Variants in ZDHHC2 observed in about 807,000 individuals in gnomAD.
ZDHHC2 encodes the protein palmitoyltransferase ZDHHC2.
Under a neutral mutation model 55.6 loss-of-function variants are expected in ZDHHC2, and 51 were observed. The ratio of observed to expected loss-of-function variants is 0.92; its 90% CI spans 0.73 to 1.16. The LOEUF (loss-of-function observed/expected upper bound fraction) is 1.16, where lower values mean the gene tolerates loss of function less well. Ranked by LOEUF, ZDHHC2 falls within the 50% of genes most tolerant of loss-of-function variation. ZDHHC2 has a pLI of 0.00. For missense variants in ZDHHC2, 491 were observed against 442.4 expected (o/e 1.11, Z -0.99); for synonymous variants, 199 against 152.9 (o/e 1.30, Z -2.22).
At chr8:17,214,345 T>C (rs1370459832) in intron 10 of ZDHHC2, among the ~76,000 whole-genome samples, 4 of 152,180 alleles carry the variant, frequency 2.6e-5, no homozygotes, top group Admixed American at 1.3e-4. Context: ...TCCTGCAAAA[T>C]AGTTTGCTCA....
At chr8:17,180,785 C>T (rs1402022697) in intron 1 of ZDHHC2, among the ~76,000 whole-genome samples, 2 of 152,154 alleles carry the variant, frequency 1.3e-5, no homozygotes, top group Non-Finnish European at 2.9e-5. Flanking sequence ...AGCCATTGCT[C>T]TTTGGTGCTA....
chr8:17,219,442 C>A (rs146501556), intron 12 of ZDHHC2, among the ~76,000 whole-genome samples: 2 of 151,706 alleles, frequency 1.3e-5, no homozygotes, highest in Admixed American at 6.6e-5. Flanking sequence ...GCTTACCAAC[C>A]TTTCCTATCA....
intron 1 of ZDHHC2, among the ~76,000 whole-genome samples, chr8:17,179,541 C>G (rs1028376254): frequency 2.0e-5 from 3 of 152,060 alleles, no homozygotes; most frequent in Non-Finnish European, 2.9e-5. Flanking sequence ...TCCCAAGTAG[C>G]TGGGACCACA....
rs1201617548 is a variant in ZDHHC2, at chr8:17,205,642, G to A, written c.477-13G>A. 2 of 1,584,826 alleles carry A rather than the reference G, an allele frequency of 1.3e-6. No individual in the cohort carries two copies. Among genetic ancestry groups the A allele is most frequent in the East Asian group, 2.3e-5 (1 of 43,974 alleles). ...TGTAAAACTCACTGGAAATGTTTTT[G>A]TTTTGTTAACAGGGTGAACAATTGT... is the stretch of plus-strand genomic sequence containing the variant. On this transcript the variant is annotated splice_polypyrimidine_tract_variant and intron_variant, in intron 6 of 12. Transcript: ENST00000262096.
intron 3 of ZDHHC2, among the ~76,000 whole-genome samples, chr8:17,189,619 A>T (rs1453000133): frequency 6.6e-6 from 1 of 152,202 alleles, no homozygotes; most frequent in East Asian, 1.9e-4. Flanking sequence ...AAAATTATAT[A>T]TGACATCATT....
intron 12 of ZDHHC2, among the ~76,000 whole-genome samples, chr8:17,219,252 T>TAAAAAAAAAAAA (rs71212684): frequency 3.8e-4 from 19 of 49,558 alleles, no homozygotes; most frequent in South Asian, 1.3e-3. Context: ...AGCAAGACTC[T>TAAAAAAAAAAAA]AAAAAAAAAA....
At chr8:17,194,431 G>A (rs1013985127) in intron 3 of ZDHHC2, among the ~76,000 whole-genome samples, 5 of 150,714 alleles carry the variant, frequency 3.3e-5, no homozygotes, top group African/African-American at 7.3e-5. Flanking sequence ...AGCAGCCACC[G>A]AGCCAGTATG....
chr8:17,195,607 C>G lies in ZDHHC2; in HGVS notation c.356C>G (p.Thr119Ser), dbSNP rs768381959. 6.2e-7 allele frequency: 1 copy of G among 1,613,848 alleles called. No individual in the cohort carries two copies. Among genetic ancestry groups the G allele is most frequent in the Admixed American group, 1.7e-5 (1 of 60,006 alleles). Residue 119 changes from threonine (T) to serine (S), a missense_variant, in exon 4 of 13, where the codon ACC (threonine) becomes AGC (serine). By Grantham distance (58) the Thr-to-Ser change is moderately conservative. Coordinates refer to ENST00000262096, the MANE Select transcript of ZDHHC2 (RefSeq NM_016353.5). ...GCAGCCAAGGATCTTCCCATCTATA[C>G]CAGGACCATGTCTGGAGGTAAATGT... is the stretch of plus-strand genomic sequence containing the variant. ...RRAAKDLPIYTRTMSGAIRYC... is the reference protein window; with the variant it reads ...RRAAKDLPIYSRTMSGAIRYC...
At chr8:17,181,756 G>T (rs1805443970) in intron 1 of ZDHHC2, among the ~76,000 whole-genome samples, 1 of 152,078 alleles carries the variant, frequency 6.6e-6, no homozygotes, top group East Asian at 1.9e-4. Flanking sequence ...TTTTTGTATT[G>T]TTATAAATAA....
At chr8:17,161,625 A>C (rs1315079306) in intron 1 of ZDHHC2, among the ~76,000 whole-genome samples, 1 of 152,190 alleles carries the variant, frequency 6.6e-6, no homozygotes, top group African/African-American at 2.4e-5. Context: ...TGGGAGGCCA[A>C]GGTGGGAGGA....
Position 17,203,518 on chromosome 8 carries a change from G to A in ZDHHC2, c.477-2137G>A, listed in dbSNP as rs564238739. On this transcript the variant is annotated intron_variant, in intron 6 of 12. Coordinates refer to ENST00000262096, the MANE Select transcript of ZDHHC2 (RefSeq NM_016353.5). ...TAAAGTGCTGGGATTACAGGCGTCAGCCACCACGCCCACCCATATTGTCCA... is the reference window on the plus strand; with the variant it reads ...TAAAGTGCTGGGATTACAGGCGTCAACCACCACGCCCACCCATATTGTCCA... 2.0e-5 allele frequency among the ~76,000 whole-genome samples: 3 copies of A among 152,090 alleles called. No individual in the cohort carries two copies. The South Asian group carries it at 6.2e-4, about 32-fold the overall frequency.
At chr8:17,189,747 C>T (rs993043783) in intron 3 of ZDHHC2, among the ~76,000 whole-genome samples, 1 of 152,192 alleles carries the variant, frequency 6.6e-6, no homozygotes, top group Non-Finnish European at 1.5e-5. Context: ...AAGAACACAG[C>T]ATTGAAGGAG....
At chr8:17,163,798 G>A (rs1421030932) in intron 1 of ZDHHC2, among the ~76,000 whole-genome samples, 11 of 152,110 alleles carry the variant, frequency 7.2e-5, no homozygotes, top group Admixed American at 7.2e-4. Flanking sequence ...ATATTCTAAA[G>A]ATGATTAGAA....
chr8:17,164,438 A>G (rs766342956), intron 1 of ZDHHC2, among the ~76,000 whole-genome samples: 4 of 152,126 alleles, frequency 2.6e-5, no homozygotes, highest in Admixed American at 1.3e-4. Context: ...CTTTGCCAGT[A>G]TTTCTTCCTG....
Position 17,195,237 on chromosome 8 carries a change from G to A in ZDHHC2, c.253-267G>A, listed in dbSNP as rs944119467. On this transcript the variant is annotated intron_variant, in intron 3 of 12. Transcript: ENST00000262096. ...CTCTACGGTTTATAAGCATTTTTAT[G>A]TACTCTGTTCCTTTTGAGTTACACA... Among the ~76,000 whole-genome samples the A allele has an allele frequency of 5.3e-5, 8 of 152,186 alleles. No homozygotes were observed. In the East Asian group the frequency reaches 1.5e-3, roughly 29 times the overall value.
chr8:17,172,170 CTACTT>C (rs745965448), intron 1 of ZDHHC2, among the ~76,000 whole-genome samples: 2 of 152,282 alleles, frequency 1.3e-5, no homozygotes, highest in East Asian at 3.9e-4. Context: ...ACTTTTTTGC[CTACTT>C]TACTTCTGTA....
chr8:17,199,641 C>CTT (rs1585713469), intron 6 of ZDHHC2, among the ~76,000 whole-genome samples: 5 of 29,352 alleles, frequency 1.7e-4, no homozygotes, highest in African/African-American at 3.5e-4. Flanking sequence ...TCTTCTTCTC[C>CTT]TCCTCCTCCT....
Position 17,159,734 on chromosome 8 carries a change from CT to C in ZDHHC2, c.130+2883del, listed in dbSNP as rs200630839. Among the ~76,000 whole-genome samples the C allele has an allele frequency of 5.1e-3, 779 of 152,270 alleles. 23 individuals carry two copies. The highest frequency in any genetic ancestry group is 0.043 in the Admixed American group (660 of 15,284). On this transcript the variant is annotated intron_variant, in intron 1 of 12. Transcript: ENST00000262096. ...AGTCAAGTATTTTTGGTTAAGTCAG[CT>C]TCCTATTCTGCCAAAGAAAAGATCA...
At chr8:17,170,279 C>T (rs954105441) in intron 1 of ZDHHC2, among the ~76,000 whole-genome samples, 4 of 152,184 alleles carry the variant, frequency 2.6e-5, no homozygotes, top group African/African-American at 9.7e-5. Flanking sequence ...TGGATACTCT[C>T]GAATGTTTTA....
Sources: gnomAD v4.1 joint callset for allele counts (sites outside exome capture counted in the v4.1 genomes callset) on GRCh38, gnomAD v4.1.1 for gene constraint, MANE v1.5 for transcripts, NCBI Gene and HGNC (gene_info 2026-07-23, HGNC 2026-07-21) for gene names.